CTNNA3: variants seen among roughly 807,000 people sequenced by gnomAD.
The protein encoded by CTNNA3 is catenin alpha 3, also known as catenin alpha-3.
CTNNA3 carries 76 observed loss-of-function variants against 95.7 expected under a neutral mutation model. The ratio of observed to expected loss-of-function variants is 0.79; its 90% CI spans 0.66 to 0.96. The LOEUF (loss-of-function observed/expected upper bound fraction) is 0.96. Among genes scored for constraint, CTNNA3 ranks in the 40% least tolerant of loss-of-function variants. The probability of loss-of-function intolerance (pLI) is 0.00; values close to 1 mark genes in which losing one functional copy is unlikely to be tolerated. For synonymous variants in CTNNA3, 431 were observed against 374.4 expected (o/e 1.15, Z -1.74); for missense variants, 1,191 against 1,089.8 (o/e 1.09, Z -1.31).
intron 1 of CTNNA3, among the ~76,000 whole-genome samples, chr10:67,743,955 A>G (rs1194134598): frequency 1.3e-5 from 2 of 151,206 alleles, no homozygotes; most frequent in African/African-American, 4.8e-5. Flanking sequence ...GGGATGTGAA[A>G]GACCTCCTCA....
intron 5 of CTNNA3, among the ~76,000 whole-genome samples, chr10:67,361,106 A>T (rs1280311233): frequency 2.0e-5 from 3 of 152,180 alleles, no homozygotes; most frequent in Non-Finnish European, 4.4e-5. Flanking sequence ...TGCACCCAAC[A>T]TCAGAGCACC....
chr10:66,632,036 G>A (rs959406366), intron 9 of CTNNA3, among the ~76,000 whole-genome samples: 16 of 151,876 alleles, frequency 1.1e-4, no homozygotes, highest in South Asian at 8.3e-4. Flanking sequence ...ATAGATATGT[G>A]TGCATATCTA....
chr10:66,441,088 C>A (rs2131786505), intron 11 of CTNNA3, among the ~76,000 whole-genome samples: 1 of 152,226 alleles, frequency 6.6e-6, no homozygotes, highest in East Asian at 1.9e-4. Context: ...AGTCTCAACA[C>A]CTGGGAGGCC....
chr10:67,683,833 T>G (rs951875912), intron 1 of CTNNA3, among the ~76,000 whole-genome samples: 1 of 152,174 alleles, frequency 6.6e-6, no homozygotes, highest in Admixed American at 6.5e-5. Flanking sequence ...GCCACAGACC[T>G]TCTCAGTGAG....
At chr10:66,230,750 G>A (rs542057445) in intron 13 of CTNNA3, among the ~76,000 whole-genome samples, 3 of 152,164 alleles carry the variant, frequency 2.0e-5, no homozygotes, top group Non-Finnish European at 2.9e-5. Flanking sequence ...GCCCTGGGCA[G>A]GTGGCTCTTG....
intron 11 of CTNNA3, among the ~76,000 whole-genome samples, chr10:66,461,275 T>C (rs1220827330): frequency 1.3e-5 from 2 of 152,120 alleles, no homozygotes; most frequent in African/African-American, 2.4e-5. Context: ...AGTCAGACCA[T>C]GCTAGATGAG....
chr10:66,437,899 G>T (rs1253955643), intron 11 of CTNNA3, among the ~76,000 whole-genome samples: 2 of 152,046 alleles, frequency 1.3e-5, no homozygotes, highest in African/African-American at 4.8e-5. Context: ...TGTCCTTTTT[G>T]TTGATGTTGA....
chr10:67,172,555 C>T (rs1191786242), intron 7 of CTNNA3, among the ~76,000 whole-genome samples: 1 of 152,072 alleles, frequency 6.6e-6, no homozygotes, highest in Non-Finnish European at 1.5e-5. Context: ...TATATATACA[C>T]ACACACACTA....
chr10:67,020,106 A>T (rs1852908699), intron 7 of CTNNA3, among the ~76,000 whole-genome samples: 1 of 152,204 alleles, frequency 6.6e-6, no homozygotes, highest in Non-Finnish European at 1.5e-5. Flanking sequence ...ATCGCCTTAC[A>T]ATAAAAAACA....
At position 66,062,894 on chromosome 10, in the gene CTNNA3, G is replaced by C. The variant is rs570540928; in HGVS notation, c.2159+6414C>G. 2.8e-4 allele frequency among the ~76,000 whole-genome samples: 43 copies of C among 152,120 alleles called. 1 individual carries two copies. The highest frequency in any genetic ancestry group is 1.0e-3 in the African/African-American group (43 of 41,506). ...TTATGAATCCCCTTCTAACACCCCA[G>C]CTACAGATTAGGATACCCTCAAAGC... On this transcript the variant is annotated intron_variant, in intron 15 of 17. Coordinates refer to ENST00000433211, the MANE Select transcript of CTNNA3 (RefSeq NM_013266.4).
At chr10:67,230,023 A>G (rs1865112772) in intron 5 of CTNNA3, among the ~76,000 whole-genome samples, 1 of 152,222 alleles carries the variant, frequency 6.6e-6, no homozygotes, top group African/African-American at 2.4e-5. Flanking sequence ...AAGCAAGACT[A>G]AGCAAAAAGA....
intron 13 of CTNNA3, among the ~76,000 whole-genome samples, chr10:66,204,479 C>A (rs1448969515): frequency 1.3e-5 from 2 of 152,126 alleles, no homozygotes; most frequent in African/African-American, 4.8e-5. Context: ...TTCAATGGTT[C>A]TGGGTCACTT....
intron 2 of CTNNA3, among the ~76,000 whole-genome samples, chr10:67,632,001 G>A (rs565748660): frequency 1.3e-5 from 2 of 152,080 alleles, no homozygotes; most frequent in African/African-American, 4.8e-5. Context: ...TTGATCAAAG[G>A]ATATAAAATT....
At chr10:66,023,681 A>T (rs979801991) in intron 15 of CTNNA3, among the ~76,000 whole-genome samples, 6 of 152,210 alleles carry the variant, frequency 3.9e-5, no homozygotes, top group African/African-American at 1.4e-4. Flanking sequence ...CCCTAGACGT[A>T]TTGTGAAATT....
intron 7 of CTNNA3, among the ~76,000 whole-genome samples, chr10:66,856,418 G>T (rs1433282550): frequency 6.6e-6 from 1 of 151,960 alleles, no homozygotes; most frequent in Non-Finnish European, 1.5e-5. Context: ...ATTCCCTTGG[G>T]TATATAACCA....
chr10:66,084,826 C>T (rs1302878376), intron 14 of CTNNA3: 2 of 152,066 alleles, frequency 1.3e-5, no homozygotes, highest in Non-Finnish European at 2.9e-5. Flanking sequence ...TATCTATCAT[C>T]TATCTATGTA....
intron 5 of CTNNA3, among the ~76,000 whole-genome samples, chr10:67,364,781 T>C (rs995314910): frequency 1.3e-5 from 2 of 152,084 alleles, no homozygotes; most frequent in Non-Finnish European, 2.9e-5. Context: ...ATCAAAATCA[T>C]GAAAATGGCC....
chr10:67,654,943 G>C (rs921632085), intron 1 of CTNNA3, among the ~76,000 whole-genome samples: 5 of 151,994 alleles, frequency 3.3e-5, no homozygotes, highest in Non-Finnish European at 7.4e-5. Context: ...AATAATTAAA[G>C]GTTAAATAGT....
intron 10 of CTNNA3, among the ~76,000 whole-genome samples, chr10:66,534,790 G>A (rs192937274): frequency 4.0e-5 from 6 of 150,802 alleles, no homozygotes; most frequent in Admixed American, 6.6e-5. Context: ...TTAACTATAC[G>A]AACTTCATGA....
Sources: gnomAD v4.1 joint callset for allele counts (sites outside exome capture counted in the v4.1 genomes callset) on GRCh38, gnomAD v4.1.1 for gene constraint, MANE v1.5 for transcripts, NCBI Gene and HGNC (gene_info 2026-07-23, HGNC 2026-07-21) for gene names.